Variants in GRIP1 observed in about 807,000 individuals in gnomAD.
GRIP1 encodes glutamate receptor-interacting protein 1.
GRIP1 carries 45 observed loss-of-function variants against 129.9 expected under a neutral mutation model. That is an observed-to-expected ratio of 0.35 (90% CI 0.27 to 0.44). GRIP1 has a LOEUF of 0.44. GRIP1 is among the 20% of genes least tolerant of loss of function. GRIP1 has a pLI of 1.00. For synonymous variants in GRIP1, 530 were observed against 520.8 expected (o/e 1.02, Z -0.24); for missense variants, 1,196 against 1,396.8 (o/e 0.86, Z 2.29).
intron 1 of GRIP1, among the ~76,000 whole-genome samples, chr12:66,983,125 T>C (rs570525256): frequency 2.9e-3 from 438 of 152,304 alleles, no homozygotes; most frequent in Non-Finnish European, 5.1e-3. Context: ...TTGGGTCCCT[T>C]ATGGCATTAC....
At chr12:66,441,287 C>A (rs2058465651) in intron 13 of GRIP1, among the ~76,000 whole-genome samples, 2 of 152,306 alleles carry the variant, frequency 1.3e-5, no homozygotes, top group South Asian at 4.1e-4. Context: ...GGTTCTCCTT[C>A]CGTTTCTCAA....
intron 1 of GRIP1, among the ~76,000 whole-genome samples, chr12:66,702,721 C>CA (rs2136359194): frequency 6.6e-6 from 1 of 151,862 alleles, no homozygotes; most frequent in South Asian, 2.1e-4. Context: ...GAGTGGGTGA[C>CA]AAAAAAGGAA....
rs1461624873 is a variant in GRIP1, at chr12:66,348,909, A to T, written c.*110T>A. 1 of 823,912 alleles carries T rather than the reference A, an allele frequency of 1.2e-6. No homozygotes were observed. The highest frequency in any genetic ancestry group is 1.7e-5 in the African/African-American group (1 of 59,822). The allele number at this position is 823,912 out of a possible 1,614,324, so 51.0% of individuals were successfully genotyped here. A position where few individuals can be genotyped will look rare whatever the true frequency, so the allele number is the denominator to read the frequency against. ...AGATTTAAAAGACCCCTGTGCTTGC[A>T]GTTAATGCCACGTTGATTGATTATC... On this transcript the variant is annotated 3_prime_UTR_variant, in exon 25 of 25. Coordinates refer to ENST00000359742, the MANE Select transcript of GRIP1 (RefSeq NM_001366722.1).
At chr12:66,998,992 C>T (rs559684706) in intron 1 of GRIP1, among the ~76,000 whole-genome samples, 51 of 152,128 alleles carry the variant, frequency 3.4e-4, no homozygotes, top group South Asian at 6.2e-4. Flanking sequence ...CTCAAAAGGA[C>T]CCCCCTCCTC....
chr12:66,842,055 C>T (rs2039728133), intron 1 of GRIP1, among the ~76,000 whole-genome samples: 1 of 152,070 alleles, frequency 6.6e-6, no homozygotes, highest in African/African-American at 2.4e-5. Flanking sequence ...ATTTCAAGTA[C>T]TTTGATGTCA....
chr12:67,069,014 C>G, intron 1 of GRIP1: 1 of 916,668 alleles, frequency 1.1e-6, no homozygotes, highest in South Asian at 5.0e-5. Context: ...GGCCCGGACC[C>G]CTGCCCTCCC....
rs191199350 is a variant in GRIP1 at position 66,370,167 on chromosome 12, C to T, written c.3012+1527G>A. Among the ~76,000 whole-genome samples the T allele has an allele frequency of 6.3e-4, 96 of 152,228 alleles. No individual in the cohort carries two copies. The East Asian group carries it at 6.4e-3, about 10-fold the overall frequency. The stretch of plus-strand genomic sequence containing the variant: ...TCCTCTGCATAGTCAACATCTACTT[C>T]TAGGAAGTCTTTTCTGTCCCCTGAT... On this transcript the variant is annotated intron_variant, in intron 23 of 24. Coordinates refer to ENST00000359742, the MANE Select transcript of GRIP1 (RefSeq NM_001366722.1).
At chr12:66,540,062 C>T (rs2061727644) in intron 3 of GRIP1, among the ~76,000 whole-genome samples, 1 of 152,196 alleles carries the variant, frequency 6.6e-6, no homozygotes, top group Non-Finnish European at 1.5e-5. Context: ...TAATCTGCTC[C>T]AGTCTGCAGT....
At chr12:67,003,412 C>T (rs909676946) in intron 1 of GRIP1, among the ~76,000 whole-genome samples, 1 of 152,148 alleles carries the variant, frequency 6.6e-6, no homozygotes, top group African/African-American at 2.4e-5. Flanking sequence ...ATCATTCTGG[C>T]CAGGTGTGGT....
intron 14 of GRIP1, among the ~76,000 whole-genome samples, chr12:66,422,584 T>A (rs923943070): frequency 1.1e-4 from 16 of 151,834 alleles, no homozygotes; most frequent in South Asian, 4.2e-4. Flanking sequence ...TTGGCTTTTT[T>A]AAAAAAAATC....
chr12:66,974,711 T>C (rs1277339712), intron 1 of GRIP1, among the ~76,000 whole-genome samples: 2 of 152,206 alleles, frequency 1.3e-5, no homozygotes, highest in African/African-American at 2.4e-5. Flanking sequence ...TGTTTGCTAT[T>C]ATTGATTTTT....
At chr12:66,643,806 C>T (rs1322679891) in intron 1 of GRIP1, among the ~76,000 whole-genome samples, 1 of 152,134 alleles carries the variant, frequency 6.6e-6, no homozygotes, top group South Asian at 2.1e-4. Flanking sequence ...TCAAGCAGTC[C>T]TCCTGCCTCA....
chr12:66,368,664 T>G (rs943262786), intron 23 of GRIP1, among the ~76,000 whole-genome samples: 2 of 152,176 alleles, frequency 1.3e-5, no homozygotes, highest in Non-Finnish European at 2.9e-5. Flanking sequence ...CGCAAAACAG[T>G]ACCTTTCCCT....
rs370550035 is a variant in GRIP1, at chr12:66,381,759, A to G, written c.2465-2323T>C. 6.6e-5 allele frequency among the ~76,000 whole-genome samples: 10 copies of G among 152,334 alleles called. No individual in the cohort carries two copies. The East Asian group carries it at 1.9e-3, about 29-fold the overall frequency. The stretch of plus-strand genomic sequence containing the variant: ...ATCAGTAGGAAACTGCTAACCTTGA[A>G]AGGCATGTGTATCTCTAATAAGGAT... On this transcript the variant is annotated intron_variant, in intron 19 of 24. Transcript: ENST00000359742.
chr12:66,505,261 C>T (rs998192727), intron 7 of GRIP1, among the ~76,000 whole-genome samples: 1 of 151,650 alleles, frequency 6.6e-6, no homozygotes, highest in South Asian at 2.1e-4. Context: ...ACTCAATGAA[C>T]CGTTGCTGTC....
intron 1 of GRIP1, among the ~76,000 whole-genome samples, chr12:67,009,409 T>C (rs2042673480): frequency 6.6e-6 from 1 of 152,142 alleles, no homozygotes; most frequent in Non-Finnish European, 1.5e-5. Flanking sequence ...ATTGAGTTAT[T>C]TGGTGCTGTT....
At chr12:66,842,801 T>G (rs1393737044) in intron 1 of GRIP1, among the ~76,000 whole-genome samples, 1 of 152,116 alleles carries the variant, frequency 6.6e-6, no homozygotes, top group African/African-American at 2.4e-5. Context: ...TTTTTGAGTT[T>G]AGGGTCAAAG....
intron 1 of GRIP1, among the ~76,000 whole-genome samples, chr12:66,950,031 C>T (rs1330847210): frequency 6.6e-6 from 1 of 152,130 alleles, no homozygotes; most frequent in African/African-American, 2.4e-5. Context: ...CCATTTTGGC[C>T]TCCCATAGTG....
At chr12:66,410,398 G>A (rs1237939966) in intron 15 of GRIP1, among the ~76,000 whole-genome samples, 6 of 151,278 alleles carry the variant, frequency 4.0e-5, no homozygotes, top group Admixed American at 1.3e-4. Flanking sequence ...TTGGGAGGCC[G>A]AGGTGGGCAG....
Sources: allele counts gnomAD v4.1 joint callset (sites outside exome capture counted in the v4.1 genomes callset), GRCh38; gene constraint gnomAD v4.1.1; transcripts MANE v1.5; gene names NCBI Gene and HGNC (gene_info 2026-07-23, HGNC 2026-07-21).